Variants in ALX1 observed in about 807,000 individuals in gnomAD.
ALX1 encodes the protein ALX homeobox 1, also known as ALX homeobox protein 1.
Under a neutral mutation model 31.7 loss-of-function variants are expected in ALX1, and 19 were observed. The ratio of observed to expected loss-of-function variants is 0.60; its 90% CI spans 0.42 to 0.88. The LOEUF is 0.88. Ranked by LOEUF, ALX1 falls within the 40% of genes least tolerant of loss-of-function variation. The pLI, the probability that ALX1 is intolerant of heterozygous loss-of-function variation, is 0.00. For missense variants in ALX1, 415 were observed against 407.8 expected, an observed-to-expected ratio of 1.02 and a Z score of -0.15; for synonymous variants, 153 against 148.8, an observed-to-expected ratio of 1.03 and a Z score of -0.20.
At chr12:85,287,476 A>T (rs940513620) in intron 3 of ALX1, among the ~76,000 whole-genome samples, 1 of 150,744 alleles carries the variant, frequency 6.6e-6, no homozygotes, top group Non-Finnish European at 1.5e-5. Context: ...CAGTTTTCAA[A>T]TTGCTTATTC....
At chr12:85,280,929 G>GA (rs889527082) in intron 1 of ALX1, among the ~76,000 whole-genome samples, 31 of 150,620 alleles carry the variant, frequency 2.1e-4, no homozygotes, top group East Asian at 3.9e-4. Context: ...CACGAGTAGG[G>GA]AAAAAAAAAC....
At chr12:85,297,281 G>T (rs185201488) in intron 3 of ALX1, among the ~76,000 whole-genome samples, 59 of 151,660 alleles carry the variant, frequency 3.9e-4, no homozygotes, top group African/African-American at 1.4e-3. Flanking sequence ...GCTATGTATT[G>T]GTAAGGGTAA....
chr12:85,289,393 A>G (rs1896788141), intron 3 of ALX1, among the ~76,000 whole-genome samples: 1 of 151,244 alleles, frequency 6.6e-6, no homozygotes, highest in South Asian at 2.1e-4. Context: ...TATTAATTAA[A>G]AGAATGAGGT....
intron 3 of ALX1, among the ~76,000 whole-genome samples, chr12:85,291,280 T>C (rs1222984905): frequency 6.6e-6 from 1 of 151,098 alleles, no homozygotes; most frequent in East Asian, 1.9e-4. Flanking sequence ...CAGGAATATA[T>C]AACTGATCTA....
chr12:85,297,431 T>C (rs1019187121), intron 3 of ALX1, among the ~76,000 whole-genome samples: 1 of 151,712 alleles, frequency 6.6e-6, no homozygotes, highest in Non-Finnish European at 1.5e-5. Flanking sequence ...TGTATCATCA[T>C]GCCCGATTAC....
chr12:85,284,230 T>G (rs1384935247), intron 2 of ALX1, among the ~76,000 whole-genome samples: 1 of 151,214 alleles, frequency 6.6e-6, no homozygotes, highest in East Asian at 1.9e-4. Flanking sequence ...TGTTTTTTTT[T>G]TTTCGGTTTT....
In ALX1 at chr12:85,301,431, A is replaced by G; in HGVS notation, c.937A>G (p.Met313Val). Reference sequence around the variant, plus strand: ...GTCTTCCAGTATCGCAGTTCTTCGAATGAAAGCCAAGGAGCACACCGCCAA... The same window carrying G: ...GTCTTCCAGTATCGCAGTTCTTCGAGTGAAAGCCAAGGAGCACACCGCCAA... ...RRSSSIAVLRMKAKEHTANIS... is the reference protein window; with the variant it reads ...RRSSSIAVLRVKAKEHTANIS... The change falls in exon 4 of 4, where the codon ATG becomes GTG. Residue 313 changes from methionine (M) to valine (V), a missense_variant. Around this residue, in one of 3 missense-constraint regions of ALX1, gnomAD observed 174 missense variants for 177.5 expected, o/e 0.98. Coordinates refer to ENST00000316824, the MANE Select transcript of ALX1 (RefSeq NM_006982.3). The G allele has an allele frequency of 6.2e-7, 1 of 1,614,124 alleles. No individual in the cohort carries two copies. The highest frequency in any genetic ancestry group is 1.1e-5 in the South Asian group (1 of 91,086).
At chr12:85,298,940 T>C (rs553292790) in intron 3 of ALX1, among the ~76,000 whole-genome samples, 6 of 151,848 alleles carry the variant, frequency 4.0e-5, no homozygotes, top group African/African-American at 1.4e-4. Flanking sequence ...ATTTTCTTAA[T>C]TTATATCTAT....
rs79536063 is a variant in ALX1 at position 85,283,464 on chromosome 12, T to C, written c.227-108T>C. On this transcript the variant is annotated intron_variant, in intron 1 of 3. Transcript: ENST00000316824. ...ATTGAATTAATACTAGCACAATAAATTATTAATAGGCCAATTTCTTGATAC... is the reference window on the plus strand; with the variant it reads ...ATTGAATTAATACTAGCACAATAAACTATTAATAGGCCAATTTCTTGATAC... The C allele has an allele frequency of 6.4e-4, 732 of 1,141,068 alleles. 15 individuals are homozygous for C. In the East Asian group the frequency reaches 0.017, roughly 26 times the overall value. The allele number at this position is 1,141,068 out of a possible 1,614,324, so 70.7% of individuals were successfully genotyped here.
At chr12:85,299,795 AGCATG>A (rs1896939469) in intron 3 of ALX1, among the ~76,000 whole-genome samples, 3 of 152,000 alleles carry the variant, frequency 2.0e-5, no homozygotes, top group South Asian at 4.2e-4. Context: ...GTACAACTCA[AGCATG>A]GGTATTGTAA....
rs751887592 is a variant in ALX1, at chr12:85,280,457, G to C, written c.196G>C (p.Glu66Gln). The change falls in exon 1 of 4, where the codon GAG becomes CAG. Residue 66 changes from glutamate (E) to glutamine (Q), a missense_variant. Glu to Gln is a conservative substitution (Grantham distance 29). Around this residue, in one of 3 missense-constraint regions of ALX1, gnomAD observed 235 missense variants for 208.9 expected, o/e 1.13. Transcript: ENST00000316824. ...LPRAEHHVRL[E>Q]RTSPCQDSSV... ...CCGCGCCGAGCATCACGTGCGCTTG[G>C]AGAGGACCTCGCCCTGTCAGGACAG... 1.6e-5 allele frequency: 26 copies of C among 1,611,736 alleles called. 1 individual carries two copies. In the East Asian group the frequency reaches 5.8e-4, roughly 36 times the overall value.
intron 1 of ALX1, among the ~76,000 whole-genome samples, chr12:85,283,222 A>G (rs1374760040): frequency 1.3e-5 from 2 of 152,192 alleles, no homozygotes; most frequent in Admixed American, 1.3e-4. Flanking sequence ...AATTTGCTTC[A>G]GTTTTCAAAA....
At chr12:85,290,014 T>A (rs1411455266) in intron 3 of ALX1, among the ~76,000 whole-genome samples, 2 of 150,770 alleles carry the variant, frequency 1.3e-5, no homozygotes, top group Non-Finnish European at 3.0e-5. Context: ...AACTAGAAAA[T>A]GTTAGAGGCA....
chr12:85,292,128 T>A (rs1896825875), intron 3 of ALX1, among the ~76,000 whole-genome samples: 1 of 151,066 alleles, frequency 6.6e-6, no homozygotes, highest in Non-Finnish European at 1.5e-5. Flanking sequence ...TGTTCTAAAG[T>A]ACCTGCCTCT....
intron 3 of ALX1, among the ~76,000 whole-genome samples, chr12:85,292,790 A>G (rs1429748038): frequency 1.3e-5 from 2 of 150,988 alleles, no homozygotes; most frequent in African/African-American, 4.8e-5. Flanking sequence ...CTTAAGCTAA[A>G]TAAGGAACAT....
intron 3 of ALX1, among the ~76,000 whole-genome samples, chr12:85,290,858 T>C (rs1443816787): frequency 1.3e-5 from 2 of 151,032 alleles, no homozygotes; most frequent in Admixed American, 1.3e-4. Flanking sequence ...GCACATCACT[T>C]TCTCACTGAC....
chr12:85,281,164 C>A (rs1186336683), intron 1 of ALX1, among the ~76,000 whole-genome samples: 1 of 152,094 alleles, frequency 6.6e-6, no homozygotes, highest in Non-Finnish European at 1.5e-5. Context: ...GCAAACCATC[C>A]CCGGCCTAAT....
At chr12:85,292,921 A>G (rs1002715161) in intron 3 of ALX1, among the ~76,000 whole-genome samples, 2 of 150,850 alleles carry the variant, frequency 1.3e-5, no homozygotes, top group African/African-American at 4.8e-5. Flanking sequence ...TATTTGAAGT[A>G]AACAAACCAA....
chr12:85,296,081 T>A (rs1204969246), intron 3 of ALX1, among the ~76,000 whole-genome samples: 1 of 151,482 alleles, frequency 6.6e-6, no homozygotes, highest in Non-Finnish European at 1.5e-5. Flanking sequence ...AAAGGCTTTT[T>A]TAGAAAAATA....
Sources: allele counts gnomAD v4.1 joint callset (sites outside exome capture counted in the v4.1 genomes callset), GRCh38; gene constraint gnomAD v4.1.1; regional missense constraint gnomAD v4.1.1; transcripts MANE v1.5; gene names NCBI Gene and HGNC (gene_info 2026-07-23, HGNC 2026-07-21).